EP300: variants seen among roughly 807,000 people sequenced by gnomAD.
The protein encoded by EP300 is histone acetyltransferase p300.
A neutral mutation model predicts 264.0 loss-of-function variants in EP300; 31 were observed. The ratio of observed to expected loss-of-function variants is 0.12; its 90% CI spans 0.09 to 0.16. The LOEUF is 0.16. Among genes scored for constraint, EP300 ranks in the 10% least tolerant of loss-of-function variants. The probability of loss-of-function intolerance (pLI) is 1.00; values close to 1 mark genes in which losing one functional copy is unlikely to be tolerated. For missense variants in EP300, 2,766 were observed against 3,052.9 expected (o/e 0.91, Z 2.21); for synonymous variants, 1,340 against 1,045.4 (o/e 1.28, Z -5.44).
intron 1 of EP300, among the ~76,000 whole-genome samples, chr22:41,106,875 G>A (rs1460863854): frequency 1.3e-5 from 2 of 152,120 alleles, no homozygotes; most frequent in Non-Finnish European, 2.9e-5. Context: ...TTACAGTTGT[G>A]AGCCACCTAC....
intron 2 of EP300, among the ~76,000 whole-genome samples, chr22:41,123,318 C>T (rs1332815449): frequency 1.3e-5 from 2 of 151,946 alleles, no homozygotes; most frequent in South Asian, 2.1e-4. Context: ...GCTCAAGGAG[C>T]GTGATACTTT....
chr22:41,103,276 C>T (rs544930823), intron 1 of EP300, among the ~76,000 whole-genome samples: 36 of 152,254 alleles, frequency 2.4e-4, no homozygotes, highest in South Asian at 1.0e-3. Context: ...CTGAGTTGAG[C>T]AGTCAGTCAC....
chr22:41,175,197 G>A (rs769123046), intron 29 of EP300, among the ~76,000 whole-genome samples: 8 of 152,186 alleles, frequency 5.3e-5, no homozygotes, highest in Non-Finnish European at 1.0e-4. Flanking sequence ...TTCCATGGCT[G>A]TTTAAATTTA....
intron 1 of EP300, among the ~76,000 whole-genome samples, chr22:41,097,502 G>A (rs1484211582): frequency 6.6e-6 from 1 of 152,180 alleles, no homozygotes; most frequent in Admixed American, 6.5e-5. Context: ...GGTATTTGTA[G>A]GGACATTAAG....
chr22:41,176,685 G>A, intron 30 of EP300, 88 bp from the exon 31 acceptor site: 2 of 1,612,728 alleles, frequency 1.2e-6, no homozygotes, highest in Non-Finnish European at 1.7e-6. Flanking sequence ...TCTACGAAAG[G>A]GGCTTTTCTA....
intron 2 of EP300, 81 bp downstream of exon 2, chr22:41,117,902 G>A: frequency 1.3e-6 from 2 of 1,599,122 alleles, no homozygotes; most frequent in South Asian, 1.1e-5. Flanking sequence ...GCCTTACATT[G>A]TATAGCAGTT....
chr22:41,111,280 A>G (rs1024168274), intron 1 of EP300, among the ~76,000 whole-genome samples: 1 of 152,146 alleles, frequency 6.6e-6, no homozygotes, highest in East Asian at 1.9e-4. Context: ...CCGGCTCTAC[A>G]TTATTTAAAA....
At chr22:41,169,657 A>G (rs1350144227) in intron 26 of EP300, 41 bp downstream of exon 26, 9 of 1,180,744 alleles carry the variant, frequency 7.6e-6, no homozygotes, top group South Asian at 1.2e-5. Flanking sequence ...TTTAACTAGC[A>G]TGGCATTCTG....
intron 1 of EP300, among the ~76,000 whole-genome samples, chr22:41,116,079 C>T (rs2058819614): frequency 6.6e-6 from 1 of 152,094 alleles, no homozygotes; most frequent in African/African-American, 2.4e-5. Context: ...AGCTTAATTG[C>T]ATTTCTTTTT....
intron 1 of EP300, among the ~76,000 whole-genome samples, chr22:41,110,257 A>G (rs1192432039): frequency 8.0e-6 from 1 of 124,430 alleles, no homozygotes; most frequent in Non-Finnish European, 1.6e-5. Context: ...TGGGACCTGT[A>G]GGTGCATGCC....
chr22:41,160,821 T>C, intron 20 of EP300, 99 bp downstream of exon 20: 1 of 1,110,212 alleles, frequency 9.0e-7, no homozygotes, highest in Non-Finnish European at 1.4e-6. Flanking sequence ...CTGTTGAATA[T>C]GGTAGCCATT....
intron 2 of EP300, among the ~76,000 whole-genome samples, chr22:41,124,133 A>G (rs2145705205): frequency 6.6e-6 from 1 of 152,350 alleles, no homozygotes; most frequent in Admixed American, 6.5e-5. Flanking sequence ...CTGTAGTCCC[A>G]GCTACTCAGG....
At chr22:41,131,311 G>C (rs1295979594) in intron 5 of EP300, 77 bp from the exon 6 acceptor site, 9 of 1,463,484 alleles carry the variant, frequency 6.1e-6, no homozygotes, top group Non-Finnish European at 8.6e-6. Flanking sequence ...AATTTTGTGG[G>C]GTTTTTTATT....
chr22:41,121,957 G>A (rs1004554507), intron 2 of EP300, among the ~76,000 whole-genome samples: 1 of 151,890 alleles, frequency 6.6e-6, no homozygotes, highest in Non-Finnish European at 1.5e-5. Flanking sequence ...CCATGTATAG[G>A]TATGGATATT....
Position 41,146,768 on chromosome 22 carries a change from C to G in EP300, c.2083C>G (p.Arg695Gly), listed in dbSNP as rs200624197. Residue 695 changes from arginine to glycine, a missense_variant, in exon 11 of 31, where the codon CGT (arginine) becomes GGT (glycine). By Grantham distance (125) the Arg-to-Gly change is moderately radical. Coordinates refer to ENST00000263253, the MANE Select transcript of EP300 (RefSeq NM_001429.4). ...NGPLPDPSMIRGSVPNQMMPR... is the reference protein window; with the variant it reads ...NGPLPDPSMIGGSVPNQMMPR... ...CCCTCTACCTGACCCAAGTATGATC[C>G]GTGGCAGTGTGCCAAACCAGATGAT... is the stretch of plus-strand genomic sequence containing the variant. 6.2e-7 allele frequency: 1 copy of G among 1,614,092 alleles called. No homozygotes were observed. Among genetic ancestry groups the G allele is most frequent in the Non-Finnish European group, 8.5e-7 (1 of 1,180,006 alleles).
chr22:41,150,085 C>T lies in EP300; in HGVS notation c.2704C>T (p.Pro902Ser). Residue 902 changes from proline to serine, a missense_variant, in exon 14 of 31, where the codon CCT (proline) becomes TCT (serine). Pro to Ser is a moderately conservative substitution (Grantham distance 74). Transcript: ENST00000263253. Reference sequence around the variant, plus strand: ...TCCCCAACAAGTGCAGCCTTCACTTCCTGCTGCACCTTCTGCTGACCAGCC... The same window carrying T: ...TCCCCAACAAGTGCAGCCTTCACTTTCTGCTGCACCTTCTGCTGACCAGCC... ...QLPQQVQPSL[P>S]AAPSADQPQQ... 4.3e-6 allele frequency: 7 copies of T among 1,613,724 alleles called. No homozygotes were observed. In the South Asian group the frequency reaches 7.7e-5, roughly 18 times the overall value.
At chr22:41,158,246 A>G (rs1440326529) in intron 18 of EP300, among the ~76,000 whole-genome samples, 166 bp from the exon 19 acceptor site, 1 of 152,210 alleles carries the variant, frequency 6.6e-6, no homozygotes, top group East Asian at 1.9e-4. Context: ...TTTTGAAATA[A>G]TGTGGTAGTA....
In EP300 at chr22:41,104,871, T is replaced by C. The variant is rs192091217; in HGVS notation, c.94+11773T>C. On this transcript the variant is annotated intron_variant, in intron 1 of 30. Transcript: ENST00000263253. ...CCCATCTCTACTAAAAATACAAAAA[T>C]TAGCTGGGCATGGCCGGGCACGGTG... Among the ~76,000 whole-genome samples the C allele has an allele frequency of 1.8e-4, 28 of 151,520 alleles. 1 individual carries two copies. Among genetic ancestry groups the C allele is most frequent in the Admixed American group, 1.8e-3 (27 of 15,232 alleles).
Position 41,178,394 on chromosome 22 carries a change from A to G in EP300, c.6683A>G (p.Gln2228Arg). ...CCACCACAGCAGCAGCAGCGGATGC[A>G]GCATCACATGCAACAGATGCAACAA... ...GYPPQQQQRM[Q>R]HHMQQMQQGN... The change falls in exon 31 of 31, where the codon CAG (glutamine) becomes CGG (arginine). Residue 2228 changes from glutamine to arginine, a missense_variant. By Grantham distance (43) the Gln-to-Arg change is conservative. Transcript: ENST00000263253. The G allele has an allele frequency of 6.2e-7, 1 of 1,614,202 alleles. No homozygotes were observed. Among genetic ancestry groups the G allele is most frequent in the Non-Finnish European group, 8.5e-7 (1 of 1,180,036 alleles).
Sources: allele counts gnomAD v4.1 joint callset (sites outside exome capture counted in the v4.1 genomes callset), GRCh38; gene constraint gnomAD v4.1.1; transcripts MANE v1.5; gene names NCBI Gene and HGNC (gene_info 2026-07-23, HGNC 2026-07-21).